The following TTLL12 variants were observed in gnomAD, a reference collection of about 807,000 sequenced individuals.
The protein encoded by TTLL12 is tubulin--tyrosine ligase-like protein 12.
In TTLL12, 77 loss-of-function variants were observed where a neutral mutation model predicts 79.6. The ratio of observed to expected loss-of-function variants is 0.97; its 90% CI spans 0.81 to 1.17. The LOEUF is 1.17. TTLL12 is among the 50% of genes most tolerant of loss of function. The pLI is 0.00. For synonymous variants in TTLL12, 437 were observed against 376.1 expected (o/e 1.16, Z -1.87); for missense variants, 969 against 895.9 (o/e 1.08, Z -1.04).
chr22:43,180,576 G>T (rs1274126735), intron 3 of TTLL12, among the ~76,000 whole-genome samples, 166 bp downstream of exon 3: 1 of 152,180 alleles, frequency 6.6e-6, no homozygotes, highest in East Asian at 1.9e-4. Context: ...TGAGCTCAGA[G>T]GCCAGCTGGG....
At position 43,167,868 on chromosome 22, in the gene TTLL12, G is replaced by A; in HGVS notation, c.*140C>T. The A allele has an allele frequency of 7.3e-6, 8 of 1,098,628 alleles. No individual in the cohort carries two copies. The highest frequency in any genetic ancestry group is 1.0e-5 in the Non-Finnish European group (8 of 766,132). The allele number at this position is 1,098,628 out of a possible 1,614,324, so 68.1% of individuals were successfully genotyped here. A position where few individuals can be genotyped will look rare whatever the true frequency, so the allele number is the denominator to read the frequency against. ...TCCCGGAGTGTGGCGCCGGGAGGAT[G>A]GCTCGGCAGGACAGAGGCCTGGGGC... On this transcript the variant is annotated 3_prime_UTR_variant, in exon 14 of 14. Coordinates refer to ENST00000216129, the MANE Select transcript of TTLL12 (RefSeq NM_015140.4).
intron 5 of TTLL12, among the ~76,000 whole-genome samples, chr22:43,178,050 C>T (rs894801696): frequency 3.9e-5 from 6 of 152,180 alleles, no homozygotes; most frequent in South Asian, 2.1e-4. Context: ...CAAACAAACC[C>T]GAGACCAGGA....
chr22:43,169,015 AC>A, intron 12 of TTLL12, 103 bp from the exon 13 acceptor site: 2 of 1,410,978 alleles, frequency 1.4e-6, no homozygotes, highest in Non-Finnish European at 1.9e-6. Flanking sequence ...GGCCCAAGTC[AC>A]CCCCTCCCAC....
chr22:43,177,379 A>AT (rs1188468473), intron 5 of TTLL12, among the ~76,000 whole-genome samples: 4 of 147,542 alleles, frequency 2.7e-5, no homozygotes, highest in Non-Finnish European at 4.5e-5. Flanking sequence ...TTAAAAAATT[A>AT]AAAAAAAAAA....
intron 1 of TTLL12, among the ~76,000 whole-genome samples, chr22:43,185,477 T>C (rs548572473): frequency 6.6e-6 from 1 of 151,726 alleles, no homozygotes; most frequent in East Asian, 2.0e-4. Context: ...GAGCTGCAAG[T>C]TTGTGAATGG....
Position 43,187,083 on chromosome 22 carries a change from G to C in TTLL12, c.-14C>G. ...CTCGGCCTCCATGGCGCCAGCACCC[G>C]CGCCGACTCCAGCGCCGCCACCGCC... On this transcript the variant is annotated 5_prime_UTR_variant, in exon 1 of 14. Coordinates refer to ENST00000216129, the MANE Select transcript of TTLL12 (RefSeq NM_015140.4). 8.7e-7 allele frequency: 1 copy of C among 1,145,214 alleles called. No homozygotes were observed. 70.9% of individuals were successfully genotyped at this position (1,145,214 alleles called of 1,614,324 possible).
At chr22:43,168,541 C>T (rs1254693942) in intron 13 of TTLL12, among the ~76,000 whole-genome samples, 2 of 152,180 alleles carry the variant, frequency 1.3e-5, no homozygotes, top group Non-Finnish European at 2.9e-5. Flanking sequence ...ACACGGGTCT[C>T]CTGTCCTGTG....
At chr22:43,180,481 A>G (rs887114438) in intron 3 of TTLL12, among the ~76,000 whole-genome samples, 2 of 152,020 alleles carry the variant, frequency 1.3e-5, no homozygotes, top group African/African-American at 2.4e-5. Context: ...CTTTTAAGAG[A>G]GTGACAGAAT....
intron 11 of TTLL12, chr22:43,169,821 T>C: frequency 3.4e-6 from 2 of 580,766 alleles, no homozygotes; most frequent in Non-Finnish European, 6.5e-6. Context: ...TGGGAAAATG[T>C]GCTCTGCCCA....
Position 43,179,851 on chromosome 22 carries a change from C to A in TTLL12, c.696G>T (p.Leu232=). 6.3e-7 allele frequency: 1 copy of A among 1,592,850 alleles called. No homozygotes were observed. The change falls in exon 4 of 14, where the codon CTG becomes CTT. Residue 232 remains leucine (L), a synonymous_variant. Transcript: ENST00000216129. ...AYTLLWPLRD[L]DTGEEVTRDF... ...AGGTGCTGGACTTACCGCCAGTGTC[C>A]AGGTCCCTCAGGGGCCACAGCAGCG... is the stretch of plus-strand genomic sequence containing the variant.
In TTLL12 at chr22:43,169,526, G is replaced by T. The variant is rs748949098; in HGVS notation, c.1618C>A (p.Pro540Thr). The change falls in exon 12 of 14, where the codon CCA becomes ACA. Residue 540 changes from proline (P) to threonine (T), a missense_variant. Pro to Thr is a conservative substitution (Grantham distance 38). Coordinates refer to ENST00000216129, the MANE Select transcript of TTLL12 (RefSeq NM_015140.4). ...TGGACGTCCGTCCAGGGAAATTCTG[G>T]GTATTGCTTCTCAAACTCGGGGATG... ...EFIPEFEKQY[P>T]EFPWTDVQAE... The T allele has an allele frequency of 1.2e-6, 2 of 1,608,652 alleles. No homozygotes were observed. Among genetic ancestry groups the T allele is most frequent in the South Asian group, 2.2e-5 (2 of 90,678 alleles).
At position 43,174,423 on chromosome 22, in the gene TTLL12, G is replaced by A; in HGVS notation, c.1035-20C>T. The A allele has an allele frequency of 6.4e-7, 1 of 1,559,534 alleles. No individual in the cohort carries two copies. ...AGTTTCCTGCAGGGCGGAGGCAGGT[G>A]CGCCAGCTCAAGGGGAGGCCGGCAG... On this transcript the variant is annotated intron_variant, in intron 7 of 13. Coordinates refer to ENST00000216129, the MANE Select transcript of TTLL12 (RefSeq NM_015140.4).
intron 3 of TTLL12, among the ~76,000 whole-genome samples, chr22:43,180,515 C>T (rs1322937386): frequency 1.3e-5 from 2 of 152,276 alleles, no homozygotes; most frequent in Admixed American, 6.5e-5. Flanking sequence ...AAAGAGGCGG[C>T]TGAGTCATCT....
In TTLL12 at chr22:43,186,960, G is replaced by C; in HGVS notation, c.110C>G (p.Pro37Arg). ...ALAEFAALHGPALRASGVPER... is the reference protein window; with the variant it reads ...ALAEFAALHGRALRASGVPER... Reference sequence around the variant, plus strand: ...GGGGACCCCCGAAGCGCGCAGCGCCGGGCCGTGCAGCGCCGCGAACTCGGC... The same window carrying C: ...GGGGACCCCCGAAGCGCGCAGCGCCCGGCCGTGCAGCGCCGCGAACTCGGC... The change falls in exon 1 of 14, where the codon CCG (proline) becomes CGG (arginine). Residue 37 changes from proline to arginine, a missense_variant. Pro to Arg is a moderately radical substitution (Grantham distance 103). Transcript: ENST00000216129. The C allele has an allele frequency of 7.5e-7, 1 of 1,340,992 alleles. No homozygotes were observed. Among genetic ancestry groups the C allele is most frequent in the Non-Finnish European group, 9.6e-7 (1 of 1,042,102 alleles). 83.1% of individuals were successfully genotyped at this position (1,340,992 alleles called of 1,614,324 possible). A position where few individuals can be genotyped will look rare whatever the true frequency, so the allele number is the denominator to read the frequency against.
chr22:43,174,396 T>A lies in TTLL12; in HGVS notation c.1042A>T (p.Ser348Cys), dbSNP rs772971087. The A allele has an allele frequency of 1.3e-6, 2 of 1,561,624 alleles. No homozygotes were observed. The highest frequency in any genetic ancestry group is 1.7e-6 in the Non-Finnish European group (2 of 1,149,008). The change falls in exon 8 of 14, where the codon AGC becomes TGC. Residue 348 changes from serine to cysteine, a missense_variant. Transcript: ENST00000216129. ...FSHFKDYRKLSQERPGVLLNQ... is the reference protein window; with the variant it reads ...FSHFKDYRKLCQERPGVLLNQ... Reference sequence around the variant, plus strand: ...AGCAGCACGCCTGGCCTCTCCTGGCTGAGTTTCCTGCAGGGCGGAGGCAGG... The same window carrying A: ...AGCAGCACGCCTGGCCTCTCCTGGCAGAGTTTCCTGCAGGGCGGAGGCAGG...
intron 3 of TTLL12, 58 bp from the exon 4 acceptor site, chr22:43,180,058 T>C (rs1483967490): frequency 2.3e-5 from 35 of 1,512,202 alleles, no homozygotes; most frequent in Non-Finnish European, 2.7e-5. Flanking sequence ...CGGAACTCCC[T>C]TCCGGAACCC....
rs3985927 is a variant in TTLL12 at position 43,185,247 on chromosome 22, TTATATATATATATATA to T, written c.177+1630_177+1645del. On this transcript the variant is annotated intron_variant, in intron 1 of 13. Transcript: ENST00000216129. Reference sequence around the variant, plus strand: ...CGTCTCAATTAAAAAAAGAAAAAAATTATATATATATATATATATATATATATATATATATATATAT... The same window carrying T: ...CGTCTCAATTAAAAAAAGAAAAAAATTATATATATATATATATATATATAT... Among the ~76,000 whole-genome samples, 962 of 115,522 alleles carry T rather than the reference TTATATATATATATATA, an allele frequency of 8.3e-3. 6 individuals are homozygous for T. Among genetic ancestry groups the T allele is most frequent in the Middle Eastern group, 0.053 (12 of 228 alleles). 75.8% of individuals were successfully genotyped at this position (115,522 alleles called of 152,430 possible). A position where few individuals can be genotyped will look rare whatever the true frequency, so the allele number is the denominator to read the frequency against.
At chr22:43,168,724 C>G (rs774521567) in intron 13 of TTLL12, 50 bp downstream of exon 13, 1 of 1,542,332 alleles carries the variant, frequency 6.5e-7, no homozygotes, top group Admixed American at 2.0e-5. Flanking sequence ...GGCTGGCTGG[C>G]GGAGGGGGCG....
Position 43,168,711 on chromosome 22 carries a change from T to C in TTLL12, c.1783+63A>G, listed in dbSNP as rs552136217. ...GGGCAGCTGCCTGCCTTCTCCAGGC[T>C]GTGGCTGGCTGGCGGAGGGGGCGCC... On this transcript the variant is annotated intron_variant, in intron 13 of 13. Transcript: ENST00000216129. 48 of 1,539,108 alleles carry C rather than the reference T, an allele frequency of 3.1e-5. 1 individual carries two copies. In the East Asian group the frequency reaches 1.1e-3, roughly 37 times the overall value.
Sources: gnomAD v4.1 joint callset for allele counts (sites outside exome capture counted in the v4.1 genomes callset) on GRCh38, gnomAD v4.1.1 for gene constraint, MANE v1.5 for transcripts, NCBI Gene and HGNC (gene_info 2026-07-23, HGNC 2026-07-21) for gene names.